Variants in ATP9A observed in about 807,000 individuals in gnomAD.
The protein encoded by ATP9A is probable phospholipid-transporting ATPase IIA.
A neutral mutation model predicts 144.1 loss-of-function variants in ATP9A; 52 were observed. That is an observed-to-expected ratio of 0.36 (90% CI 0.29 to 0.45). ATP9A has a LOEUF of 0.45. Ranked by LOEUF, ATP9A falls within the 20% of genes least tolerant of loss-of-function variation. The pLI, the probability that ATP9A is intolerant of heterozygous loss-of-function variation, is 1.00. For missense variants in ATP9A, 947 were observed against 1,392.7 expected (o/e 0.68, Z 5.09); for synonymous variants, 582 against 557.4 (o/e 1.04, Z -0.62).
intron 1 of ATP9A, among the ~76,000 whole-genome samples, chr20:51,743,629 TAC>T (rs2077794804): frequency 6.7e-6 from 1 of 148,318 alleles, no homozygotes; most frequent in African/African-American, 2.4e-5. Context: ...GGTCTTGAAC[TAC>T]TGACCTCGTG....
chr20:51,705,040 T>C (rs1331975329), intron 4 of ATP9A, among the ~76,000 whole-genome samples: 4 of 152,192 alleles, frequency 2.6e-5, no homozygotes, highest in Admixed American at 6.6e-5. Context: ...AAAAAAATCA[T>C]AATGCATATC....
intron 3 of ATP9A, among the ~76,000 whole-genome samples, chr20:51,717,850 G>A (rs2077668977): frequency 6.6e-6 from 1 of 151,816 alleles, no homozygotes; most frequent in African/African-American, 2.4e-5. Flanking sequence ...GCTACTTAGG[G>A]GGCTGAGGCA....
At chr20:51,744,454 G>A (rs763950383) in intron 1 of ATP9A, among the ~76,000 whole-genome samples, 11 of 152,072 alleles carry the variant, frequency 7.2e-5, no homozygotes, top group Non-Finnish European at 1.2e-4. Flanking sequence ...GAGCCACCGC[G>A]CCCAGCCTAG....
At chr20:51,708,501 G>A (rs1008146869) in intron 4 of ATP9A, among the ~76,000 whole-genome samples, 6 of 152,142 alleles carry the variant, frequency 3.9e-5, no homozygotes, top group Admixed American at 2.6e-4. Flanking sequence ...TTGGGAGGCC[G>A]AGGCGGGCGG....
chr20:51,641,831 CAAA>C lies in ATP9A; in HGVS notation c.1507-2330_1507-2328del, dbSNP rs1218133688. 1.5e-4 allele frequency among the ~76,000 whole-genome samples: 12 copies of C among 79,678 alleles called. 1 individual carries two copies. Among genetic ancestry groups the C allele is most frequent in the East Asian group, 6.5e-4 (1 of 1,528 alleles). 52.3% of individuals were successfully genotyped at this position (79,678 alleles called of 152,430 possible). On this transcript the variant is annotated intron_variant, in intron 14 of 27. Coordinates refer to ENST00000338821, the MANE Select transcript of ATP9A (RefSeq NM_006045.3). ...GGGCAACAAGAGCGAAACTCCATCT[CAAA>C]AAAAAAAAAAAAAAGATAAAAAACA...
At position 51,703,735 on chromosome 20, in the gene ATP9A, T is replaced by C. The variant is rs576868426; in HGVS notation, c.437-6253A>G. ...ATGACAATTCAGTCAAACTGCAGAA[T>C]AGCCTACCAAAAAAATTTTTTTTAA... On this transcript the variant is annotated intron_variant, in intron 4 of 27. Coordinates refer to ENST00000338821, the MANE Select transcript of ATP9A (RefSeq NM_006045.3). 2.6e-5 allele frequency among the ~76,000 whole-genome samples: 4 copies of C among 152,278 alleles called. No individual in the cohort carries two copies. In the South Asian group the frequency reaches 6.2e-4, roughly 24 times the overall value.
At chr20:51,735,403 G>T (rs551308911) in intron 1 of ATP9A, among the ~76,000 whole-genome samples, 1 of 152,290 alleles carries the variant, frequency 6.6e-6, no homozygotes, top group East Asian at 1.9e-4. Flanking sequence ...GGAGTAGGGA[G>T]AACTTTTCCT....
chr20:51,753,666 C>CTT lies in ATP9A; in HGVS notation c.68+14634_68+14635dup, dbSNP rs67673002. 3.9e-3 allele frequency among the ~76,000 whole-genome samples: 535 copies of CTT among 137,250 alleles called. 6 individuals are homozygous for CTT. The highest frequency in any genetic ancestry group is 0.013 in the African/African-American group (488 of 36,750). The allele number at this position is 137,250 out of a possible 152,430, so 90.0% of individuals were successfully genotyped here. Reference sequence around the variant, plus strand: ...TGTTCTCTCATTTTTCTTTTTCTTTCTTTTTTTTTTTTTTTAATGAGACTG... The same window carrying CTT: ...TGTTCTCTCATTTTTCTTTTTCTTTCTTTTTTTTTTTTTTTTTAATGAGACTG... On this transcript the variant is annotated intron_variant, in intron 1 of 27. Coordinates refer to ENST00000338821, the MANE Select transcript of ATP9A (RefSeq NM_006045.3).
chr20:51,652,967 G>T (rs543423122), intron 14 of ATP9A, among the ~76,000 whole-genome samples: 1 of 151,872 alleles, frequency 6.6e-6, no homozygotes, highest in Non-Finnish European at 1.5e-5. Flanking sequence ...AAAAATAGCC[G>T]GGCGTGGCAG....
At chr20:51,640,947 A>G (rs2077316118) in intron 14 of ATP9A, among the ~76,000 whole-genome samples, 1 of 152,180 alleles carries the variant, frequency 6.6e-6, no homozygotes, top group Non-Finnish European at 1.5e-5. Flanking sequence ...GCAATTGGCC[A>G]GCTGCTGTGA....
rs1463366982 is a variant in ATP9A, at chr20:51,599,855, C to G, written c.*1356G>C. 6.6e-6 allele frequency: 1 copy of G among 152,202 alleles called. No homozygotes were observed. The highest frequency in any genetic ancestry group is 1.5e-5 in the Non-Finnish European group (1 of 68,042). 9.4% of individuals were successfully genotyped at this position (152,202 alleles called of 1,614,324 possible). ...TCAACCACACTTGGCTCTTAAAGAT[C>G]CACCAACTTAACCCTTATGGCATGC... is the stretch of plus-strand genomic sequence containing the variant. On this transcript the variant is annotated 3_prime_UTR_variant, in exon 28 of 28. Coordinates refer to ENST00000338821, the MANE Select transcript of ATP9A (RefSeq NM_006045.3).
At chr20:51,736,190 G>C (rs1192846662) in intron 1 of ATP9A, among the ~76,000 whole-genome samples, 1 of 152,250 alleles carries the variant, frequency 6.6e-6, no homozygotes, top group Non-Finnish European at 1.5e-5. Context: ...AGCATGCAAA[G>C]ACTGGCTGCA....
chr20:51,632,204 T>C (rs1288574932), intron 15 of ATP9A, among the ~76,000 whole-genome samples: 1 of 152,000 alleles, frequency 6.6e-6, no homozygotes, highest in Non-Finnish European at 1.5e-5. Flanking sequence ...ACCTCAACCT[T>C]CCCAGTAGCT....
At chr20:51,691,517 C>T (rs1240721874) in intron 7 of ATP9A, among the ~76,000 whole-genome samples, 1 of 152,190 alleles carries the variant, frequency 6.6e-6, no homozygotes, top group African/African-American at 2.4e-5. Flanking sequence ...TGGGCATCTA[C>T]TCTGTATAAA....
At chr20:51,624,418 G>A (rs1053859276) in intron 18 of ATP9A, among the ~76,000 whole-genome samples, 2 of 152,118 alleles carry the variant, frequency 1.3e-5, no homozygotes, top group Non-Finnish European at 2.9e-5. Context: ...AGGTCCTCAC[G>A]CGCCCTCTGC....
At chr20:51,616,209 G>A (rs2077202332) in intron 22 of ATP9A, among the ~76,000 whole-genome samples, 1 of 152,034 alleles carries the variant, frequency 6.6e-6, no homozygotes, top group South Asian at 2.1e-4. Flanking sequence ...TAAAGAGGGG[G>A]AAAAAAAGCC....
intron 1 of ATP9A, among the ~76,000 whole-genome samples, chr20:51,742,454 C>G (rs542366946): frequency 2.5e-4 from 38 of 152,294 alleles, no homozygotes; most frequent in African/African-American, 8.7e-4. Flanking sequence ...CTCCAGCTGG[C>G]TGCTGCAGCT....
chr20:51,631,757 C>T (rs927791079), intron 15 of ATP9A, among the ~76,000 whole-genome samples: 11 of 152,198 alleles, frequency 7.2e-5, no homozygotes, highest in Non-Finnish European at 1.3e-4. Context: ...CAGCCACGAT[C>T]CAAACCCGTG....
chr20:51,663,371 T>C (rs147669478), intron 13 of ATP9A, among the ~76,000 whole-genome samples: 2 of 152,332 alleles, frequency 1.3e-5, no homozygotes, highest in East Asian at 1.9e-4. Context: ...ATGTTTTGTC[T>C]TTGTGCTTGG....
Sources: gnomAD v4.1 joint callset for allele counts (sites outside exome capture counted in the v4.1 genomes callset) on GRCh38, gnomAD v4.1.1 for gene constraint, MANE v1.5 for transcripts, NCBI Gene and HGNC (gene_info 2026-07-23, HGNC 2026-07-21) for gene names.